EML6: variants seen among roughly 807,000 people sequenced by gnomAD.
EML6 encodes EMAP like 6.
Under a neutral mutation model 240.1 loss-of-function variants are expected in EML6, and 154 were observed. The observed-to-expected ratio is 0.64, with a 90% CI of 0.56 to 0.73. The LOEUF (loss-of-function observed/expected upper bound fraction) is 0.73. EML6 is among the 30% of genes least tolerant of loss of function. The pLI, the probability that EML6 is intolerant of heterozygous loss-of-function variation, is 0.00. For synonymous variants in EML6, 1,148 were observed against 899.0 expected (o/e 1.28, Z -4.95); for missense variants, 2,964 against 2,474.6 (o/e 1.20, Z -4.20).
At chr2:54,859,838 TAAG>T (rs1189328494) in intron 12 of EML6, 137 bp downstream of exon 12, 7 of 696,492 alleles carry the variant, frequency 1.0e-5, no homozygotes, top group East Asian at 3.1e-5. Flanking sequence ...AATTTTAAGA[TAAG>T]AAGAAACTTT....
chr2:54,848,253 G>A (rs1669876177), intron 9 of EML6, among the ~76,000 whole-genome samples: 1 of 152,182 alleles, frequency 6.6e-6, no homozygotes, highest in Non-Finnish European at 1.5e-5. Context: ...TCCTCTGAAT[G>A]CATTTGTCGT....
At chr2:54,919,909 C>G (rs773788967) in intron 26 of EML6, among the ~76,000 whole-genome samples, 1 of 152,168 alleles carries the variant, frequency 6.6e-6, no homozygotes, top group East Asian at 1.9e-4. Context: ...CAAAGTTACA[C>G]TATGTTTTGT....
At chr2:54,963,380 A>G (rs1676610847) in intron 36 of EML6, among the ~76,000 whole-genome samples, 1 of 152,336 alleles carries the variant, frequency 6.6e-6, no homozygotes, top group East Asian at 1.9e-4. Flanking sequence ...CTACTTGACT[A>G]ACTACATAAC....
chr2:54,729,398 A>G (rs1683057662), intron 2 of EML6, among the ~76,000 whole-genome samples: 1 of 152,248 alleles, frequency 6.6e-6, no homozygotes, highest in Non-Finnish European at 1.5e-5. Flanking sequence ...AAGCGTATAT[A>G]AGACTCTTGA....
chr2:54,811,937 T>C (rs1219816006), intron 2 of EML6, among the ~76,000 whole-genome samples: 1 of 152,256 alleles, frequency 6.6e-6, no homozygotes, highest in Admixed American at 6.5e-5. Flanking sequence ...TATCTTTTTG[T>C]ATTACTTGCT....
chr2:54,862,933 G>T (rs1415684020), intron 12 of EML6, among the ~76,000 whole-genome samples: 1 of 152,220 alleles, frequency 6.6e-6, no homozygotes, highest in Non-Finnish European at 1.5e-5. Flanking sequence ...GGTCTGTTCA[G>T]TCAGGCTGCA....
intron 2 of EML6, among the ~76,000 whole-genome samples, chr2:54,793,323 T>A (rs1669562975): frequency 6.7e-6 from 1 of 149,572 alleles, no homozygotes; most frequent in Non-Finnish European, 1.5e-5. Context: ...GAGAACCAAG[T>A]CATAAAACAC....
chr2:54,799,992 T>C (rs1402014968), intron 2 of EML6, among the ~76,000 whole-genome samples: 1 of 152,208 alleles, frequency 6.6e-6, no homozygotes, highest in Non-Finnish European at 1.5e-5. Context: ...ACGCCTGTAA[T>C]CTGAGCAATT....
chr2:54,921,704 A>C (rs1674263809), intron 26 of EML6, among the ~76,000 whole-genome samples: 1 of 152,160 alleles, frequency 6.6e-6, no homozygotes, highest in African/African-American at 2.4e-5. Flanking sequence ...TATAGTAATC[A>C]AAATGTATGG....
At chr2:54,871,234 T>G (rs1334766702) in intron 15 of EML6, among the ~76,000 whole-genome samples, 4 of 152,138 alleles carry the variant, frequency 2.6e-5, no homozygotes, top group African/African-American at 4.8e-5. Context: ...CAAGGCACAG[T>G]GGACATTTGA....
intron 13 of EML6, among the ~76,000 whole-genome samples, chr2:54,865,152 C>G (rs183360352): frequency 1.3e-5 from 2 of 152,016 alleles, no homozygotes; most frequent in African/African-American, 4.8e-5. Flanking sequence ...GAAAAGAAAT[C>G]TTTAATTGGG....
chr2:54,964,121 A>T lies in EML6; in HGVS notation c.5293A>T (p.Lys1765Ter), dbSNP rs748339631. The T allele has an allele frequency of 6.4e-7, 1 of 1,551,600 alleles. No individual in the cohort carries two copies. Among genetic ancestry groups the T allele is most frequent in the South Asian group, 1.2e-5 (1 of 84,044 alleles). ...GGTGAACAGCCTGAAAGTTTGGGGG[A>T]AAAAACGAGACCGGAAATCTGCTAT... The part of the protein sequence containing the change: ...LLVNSLKVWG[K>*]KRDRKSAIQD... Residue 1765 changes from lysine to a stop codon, truncating the protein, a stop_gained, in exon 37 of 42, where the codon AAA (lysine) becomes TAA (stop). Coordinates refer to ENST00000356458, the MANE Select transcript of EML6 (RefSeq NM_001039753.4). LOFTEE classifies it high-confidence loss of function.
intron 6 of EML6, 81 bp downstream of exon 6, chr2:54,827,832 C>T (rs997529858): frequency 2.0e-6 from 2 of 1,020,826 alleles, no homozygotes; most frequent in East Asian, 5.2e-5. Context: ...TGTTTCCCTT[C>T]TTGCTTTAGA....
At chr2:54,912,571 G>C (rs1216037051) in intron 25 of EML6, among the ~76,000 whole-genome samples, 1 of 152,008 alleles carries the variant, frequency 6.6e-6, no homozygotes, top group Non-Finnish European at 1.5e-5. Context: ...TCCTCTCTCT[G>C]CCCCCCAGGA....
At position 54,947,333 on chromosome 2, in the gene EML6, T is replaced by A. The variant is rs759326898; in HGVS notation, c.4005-1549T>A. On this transcript the variant is annotated intron_variant, in intron 28 of 41. Coordinates refer to ENST00000356458, the MANE Select transcript of EML6 (RefSeq NM_001039753.4). ...AGTCTCCCGATTTTGCTCAATTTGG[T>A]GGCGATGATGTCAGCCGGGGGTGTC... 5.1e-4 allele frequency among the ~76,000 whole-genome samples: 78 copies of A among 152,292 alleles called. 1 individual carries two copies. Among genetic ancestry groups the A allele is most frequent in the South Asian group, 2.1e-4 (1 of 4,828 alleles).
intron 7 of EML6, among the ~76,000 whole-genome samples, chr2:54,834,520 T>G (rs1346532643): frequency 1.3e-5 from 2 of 152,246 alleles, no homozygotes; most frequent in African/African-American, 4.8e-5. Flanking sequence ...TAAACATTTA[T>G]TAAACATCCA....
rs1489171650 is a variant in EML6 at position 54,962,658 on chromosome 2, T to A, written c.5104T>A (p.Phe1702Ile). Residue 1702 changes from phenylalanine to isoleucine, a missense_variant, in exon 36 of 42, where the codon TTC becomes ATC. Physicochemically the swap from Phe to Ile is conservative, Grantham distance 21. Transcript: ENST00000356458. ...GGCCACTCACCCTTCCAAGGACCTC[T>A]TCATCTCTGCCAGCAACGATGGCAC... ...GLATHPSKDL[F>I]ISASNDGTAR... 1 of 1,533,602 alleles carries A rather than the reference T, an allele frequency of 6.5e-7. No individual in the cohort carries two copies. The highest frequency in any genetic ancestry group is 8.8e-7 in the Non-Finnish European group (1 of 1,138,328). 95.0% of individuals were successfully genotyped at this position (1,533,602 alleles called of 1,614,324 possible).
intron 17 of EML6, among the ~76,000 whole-genome samples, chr2:54,888,554 AT>A (rs563981348): frequency 6.6e-6 from 1 of 152,018 alleles, no homozygotes; most frequent in Non-Finnish European, 1.5e-5. Flanking sequence ...GCAACCACTA[AT>A]TTTTTACCCA....
intron 31 of EML6, among the ~76,000 whole-genome samples, 192 bp downstream of exon 31, chr2:54,952,884 C>T (rs564904879): frequency 6.6e-6 from 1 of 152,250 alleles, no homozygotes; most frequent in South Asian, 2.1e-4. Context: ...TTCTGAGGGA[C>T]CATAAAGTCT....
Sources: allele counts gnomAD v4.1 joint callset (sites outside exome capture counted in the v4.1 genomes callset), GRCh38; gene constraint gnomAD v4.1.1; transcripts MANE v1.5; gene names NCBI Gene and HGNC (gene_info 2026-07-23, HGNC 2026-07-21).